The following PC variants were observed in gnomAD, a reference collection of about 807,000 sequenced individuals.
PC encodes pyruvate carboxylase, mitochondrial.
A neutral mutation model predicts 107.8 loss-of-function variants in PC; 46 were observed. The observed-to-expected ratio is 0.43, with a 90% confidence interval of 0.34 to 0.55. PC has a LOEUF of 0.55. Among genes scored for constraint, PC ranks in the 20% least tolerant of loss-of-function variants. The pLI, the probability that PC is intolerant of heterozygous loss-of-function variation, is 0.04. For synonymous variants in PC, 662 were observed against 684.7 expected, an observed-to-expected ratio of 0.97 and a Z score of 0.52; for missense variants, 1,241 against 1,643.1, an observed-to-expected ratio of 0.76 and a Z score of 4.23.
At chr11:66,953,525 C>A (rs1348419908) in intron 2 of PC, among the ~76,000 whole-genome samples, 2 of 152,128 alleles carry the variant, frequency 1.3e-5, no homozygotes, top group Non-Finnish European at 2.9e-5. Flanking sequence ...GAAAAAGCCA[C>A]ACCTACCCTA....
At chr11:66,919,600 G>A (rs1396092523) in intron 3 of PC, among the ~76,000 whole-genome samples, 1 of 152,130 alleles carries the variant, frequency 6.6e-6, no homozygotes, top group Non-Finnish European at 1.5e-5. Flanking sequence ...TCCAGCCAGA[G>A]GCAGTGAATA....
At position 66,849,829 on chromosome 11, in the gene PC, G is replaced by T; in HGVS notation, c.2929C>A (p.Arg977=). The change falls in exon 21 of 23, where the codon CGG becomes AGG. Residue 977 remains arginine (R), a synonymous_variant. Coordinates refer to ENST00000393960, the MANE Select transcript of PC (RefSeq NM_001040716.2). ...VLKDLPRVEG[R]PGASLPPLDL... ...AGGGGAGGGAGGGAGGCTCCAGGCC[G>T]CCCCTCCACCCTTGGCAGGTCCTTC... 2 of 1,613,788 alleles carry T rather than the reference G, an allele frequency of 1.2e-6. No homozygotes were observed. The highest frequency in any genetic ancestry group is 1.7e-6 in the Non-Finnish European group (2 of 1,179,990).
chr11:66,894,823 ACCAG>A (rs1037983957), intron 3 of PC, among the ~76,000 whole-genome samples: 11 of 152,216 alleles, frequency 7.2e-5, no homozygotes, highest in Admixed American at 3.9e-4. Context: ...GGAGTTCGAG[ACCAG>A]CCTGGCCAAC....
chr11:66,930,356 C>T (rs893336638), intron 3 of PC, among the ~76,000 whole-genome samples: 3 of 152,162 alleles, frequency 2.0e-5, no homozygotes, highest in African/African-American at 4.8e-5. Flanking sequence ...TCTTTGGTTT[C>T]GGATAACCTA....
chr11:66,858,692 T>C lies in PC; in HGVS notation c.1368+5082A>G. The C allele has an allele frequency of 6.5e-7, 1 of 1,548,934 alleles. No individual in the cohort carries two copies. The highest frequency in any genetic ancestry group is 8.7e-7 in the Non-Finnish European group (1 of 1,145,098). On this transcript the variant is annotated intron_variant, in intron 12 of 22. Transcript: ENST00000393960. The surrounding 1 kb of genome is among the most constrained non-coding windows in gnomAD (Gnocchi z 5.9). Reference sequence around the variant, plus strand: ...CCGCGCCTACCATGCACTGGGTCGGTCCTGACGACCGGTTGGTTGGCAACT... The same window carrying C: ...CCGCGCCTACCATGCACTGGGTCGGCCCTGACGACCGGTTGGTTGGCAACT...
chr11:66,929,876 C>G (rs1420742989), intron 3 of PC, among the ~76,000 whole-genome samples: 1 of 152,024 alleles, frequency 6.6e-6, no homozygotes, highest in East Asian at 1.9e-4. Flanking sequence ...AACATTCAGG[C>G]TAAAACCCTA....
At chr11:66,936,409 C>G (rs1451270474) in intron 3 of PC, among the ~76,000 whole-genome samples, 2 of 152,144 alleles carry the variant, frequency 1.3e-5, no homozygotes, top group Non-Finnish European at 2.9e-5. Flanking sequence ...GATTAGACCC[C>G]AGTATTTGCT....
chr11:66,856,874 C>T (rs1312900111), intron 12 of PC: 1 of 148,850 alleles, frequency 6.7e-6, no homozygotes, highest in African/African-American at 2.4e-5. Flanking sequence ...GGTGAGTGCG[C>T]TGCGGCAGCG....
At chr11:66,904,625 G>A (rs1948097679) in intron 3 of PC, among the ~76,000 whole-genome samples, 1 of 152,216 alleles carries the variant, frequency 6.6e-6, no homozygotes, top group South Asian at 2.1e-4. Context: ...GTGACAGAGC[G>A]AGACCCTGTC....
At chr11:66,909,417 G>T (rs1002448310) in intron 3 of PC, among the ~76,000 whole-genome samples, 1 of 152,198 alleles carries the variant, frequency 6.6e-6, no homozygotes, top group African/African-American at 2.4e-5. Context: ...TGCAGGACAT[G>T]ATCTTCGGAA....
intron 21 of PC, 76 bp from the exon 22 acceptor site, chr11:66,849,446 TC>T: frequency 1.2e-6 from 2 of 1,605,854 alleles, no homozygotes; most frequent in Non-Finnish European, 1.7e-6. Context: ...CCATAGGAAG[TC>T]CCCACACTGG....
rs1334439217 is a variant in PC at position 66,943,970 on chromosome 11, C to T, written c.-1+8460G>A. Among the ~76,000 whole-genome samples the T allele has an allele frequency of 4.0e-5, 4 of 100,656 alleles. No homozygotes were observed. The Admixed American group carries it at 4.6e-4, about 12-fold the overall frequency. 66.0% of individuals were successfully genotyped at this position (100,656 alleles called of 152,430 possible). ...CTGAGTGATAATAGCGAAACTGTCT[C>T]AAAAAAAAAAAAAAAAGAAAAGAAC... On this transcript the variant is annotated intron_variant, in intron 3 of 22. Transcript: ENST00000393960.
rs147972469 is a variant in PC, at chr11:66,867,933, G to A, written c.1022+913C>T. ...GGTTGGGGCTGGGGGCAGAACTGGG[G>A]TCAGGGATGCTCCACAGTGAGATGG... On this transcript the variant is annotated intron_variant, in intron 10 of 22. Transcript: ENST00000393960. 5.4e-4 allele frequency among the ~76,000 whole-genome samples: 82 copies of A among 152,382 alleles called. 2 individuals carry two copies. In the East Asian group the frequency reaches 0.015, roughly 28 times the overall value.
intron 10 of PC, among the ~76,000 whole-genome samples, chr11:66,867,295 AG>A (rs1946537160): frequency 1.3e-5 from 2 of 152,222 alleles, no homozygotes; most frequent in Non-Finnish European, 2.9e-5. Context: ...CTGAGGCAGG[AG>A]AATCACTTGA....
In PC at chr11:66,858,701, C is replaced by G; in HGVS notation, c.1368+5073G>C. The G allele has an allele frequency of 6.4e-7, 1 of 1,550,736 alleles. No individual in the cohort carries two copies. Among genetic ancestry groups the G allele is most frequent in the Non-Finnish European group, 8.7e-7 (1 of 1,145,880 alleles). On this transcript the variant is annotated intron_variant, in intron 12 of 22. Coordinates refer to ENST00000393960, the MANE Select transcript of PC (RefSeq NM_001040716.2). This position sits in a 1 kb window ranked among gnomAD's most constrained non-coding sequence, Gnocchi z 5.9. ...CCATGCACTGGGTCGGTCCTGACGA[C>G]CGGTTGGTTGGCAACTCCTCCCGAG...
At chr11:66,877,533 A>C (rs2135968431) in intron 3 of PC, among the ~76,000 whole-genome samples, 1 of 152,356 alleles carries the variant, frequency 6.6e-6, no homozygotes, top group East Asian at 1.9e-4. Context: ...ACTAAAAAAT[A>C]CAAAAAAATT....
At chr11:66,896,803 C>T (rs527535753) in intron 3 of PC, among the ~76,000 whole-genome samples, 31 of 152,334 alleles carry the variant, frequency 2.0e-4, no homozygotes, top group Admixed American at 9.1e-4. Context: ...GAGAAGCGTC[C>T]GCCTATATAT....
At chr11:66,936,833 G>A (rs577248536) in intron 3 of PC, among the ~76,000 whole-genome samples, 1 of 152,136 alleles carries the variant, frequency 6.6e-6, no homozygotes, top group South Asian at 2.1e-4. Flanking sequence ...ATAAAAGATA[G>A]GTCTTCTTTT....
At chr11:66,880,546 A>G (rs1289842785) in intron 3 of PC, among the ~76,000 whole-genome samples, 1 of 152,174 alleles carries the variant, frequency 6.6e-6, no homozygotes, top group East Asian at 1.9e-4. Context: ...CTCTGGTATT[A>G]ATGACACTCC....
Sources: gnomAD v4.1 joint callset for allele counts (sites outside exome capture counted in the v4.1 genomes callset) on GRCh38, gnomAD v4.1.1 for gene constraint, Gnocchi (gnomAD v3.1) non-coding constraint, MANE v1.5 for transcripts, NCBI Gene and HGNC (gene_info 2026-07-23, HGNC 2026-07-21) for gene names.